Variants in C10orf90 observed in about 807,000 individuals in gnomAD.
C10orf90 encodes the protein chromosome 10 open reading frame 90.
Under a neutral mutation model 62.5 loss-of-function variants are expected in C10orf90, and 56 were observed. The observed-to-expected ratio is 0.90, with a 90% CI of 0.72 to 1.12. The LOEUF (loss-of-function observed/expected upper bound fraction) is 1.12, where lower values mean the gene tolerates loss of function less well. Among genes scored for constraint, C10orf90 ranks in the 50% most tolerant of loss-of-function variants. C10orf90 has a pLI of 0.00. For synonymous variants in C10orf90, 386 were observed against 340.4 expected (o/e 1.13, Z -1.47); for missense variants, 970 against 880.4 (o/e 1.10, Z -1.29).
intron 2 of C10orf90, among the ~76,000 whole-genome samples, chr10:126,583,070 C>T (rs1844786482): frequency 6.6e-6 from 1 of 152,160 alleles, no homozygotes; most frequent in African/African-American, 2.4e-5. Flanking sequence ...ACTCGCGGGA[C>T]ACCAGTAAAC....
Position 126,504,303 on chromosome 10 carries a change from G to A in C10orf90, c.1188C>T (p.His396=), listed in dbSNP as rs373996401. 1 of 1,614,202 alleles carries A rather than the reference G, an allele frequency of 6.2e-7. No homozygotes were observed. Among genetic ancestry groups the A allele is most frequent in the South Asian group, 1.1e-5 (1 of 91,078 alleles). The part of the protein sequence containing the change: ...VLSLNLNCSS[H]RLTADGVDGL... ...CATCTACTCCATCTGCTGTTAATCT[G>A]TGGGAACTACAATTGAGGTTGAGCG... Residue 396 remains histidine (H), a synonymous_variant, in exon 4 of 10, where the codon CAC becomes CAT. Coordinates refer to ENST00000488181, the MANE Select transcript of C10orf90 (RefSeq NM_001350921.2). This position sits in a 1 kb window ranked among gnomAD's most constrained non-coding sequence, Gnocchi z 4.1.
At chr10:126,537,069 C>G (rs1253856119) in intron 2 of C10orf90, among the ~76,000 whole-genome samples, 1 of 152,168 alleles carries the variant, frequency 6.6e-6, no homozygotes, top group East Asian at 1.9e-4. Context: ...AGGAGCCAGG[C>G]TTGATATCAC....
intron 2 of C10orf90, among the ~76,000 whole-genome samples, chr10:126,557,411 C>T (rs1864801631): frequency 6.7e-6 from 1 of 148,540 alleles, no homozygotes; most frequent in African/African-American, 2.5e-5. Flanking sequence ...ACGTGGGAGG[C>T]AGAGCTTGCA....
intron 2 of C10orf90, among the ~76,000 whole-genome samples, chr10:126,526,148 A>G (rs1321102875): frequency 6.6e-6 from 1 of 151,940 alleles, no homozygotes; most frequent in Admixed American, 6.6e-5. Context: ...AGTCAAGTCT[A>G]AGAGAGGTCC....
rs141441794 is a variant in C10orf90 at position 126,456,005 on chromosome 10, C to T, written c.2188+3035G>A. 8.7e-3 allele frequency among the ~76,000 whole-genome samples: 1,318 copies of T among 152,336 alleles called. 13 individuals are homozygous for T. The highest frequency in any genetic ancestry group is 0.012 in the Non-Finnish European group (819 of 68,028). On this transcript the variant is annotated intron_variant, in intron 7 of 9. Coordinates refer to ENST00000488181, the MANE Select transcript of C10orf90 (RefSeq NM_001350921.2). This position sits in a 1 kb window ranked among gnomAD's most constrained non-coding sequence, Gnocchi z 4.9. ...TGAGCCAAGATTGCTTGACAAGCCC[C>T]GATCAGAGGCAGCTACCCCAGCACC... is the stretch of plus-strand genomic sequence containing the variant.
At chr10:126,536,879 G>A (rs895449313) in intron 2 of C10orf90, among the ~76,000 whole-genome samples, 4 of 152,166 alleles carry the variant, frequency 2.6e-5, no homozygotes, top group Non-Finnish European at 5.9e-5. Context: ...GCTGGATTGG[G>A]TAAGTCAACC....
In C10orf90 at chr10:126,464,839, T is replaced by G. The variant is rs1202429446; in HGVS notation, c.1682A>C (p.Asp561Ala). ...SSPSDDCLSR[D>A]LSEPTERRHQ... ...TCGTCTCTCTGTGGGCTCAGAAAGGTCTCTAGACAGACAGTCATCGCTTGG... is the reference window on the plus strand; with the variant it reads ...TCGTCTCTCTGTGGGCTCAGAAAGGGCTCTAGACAGACAGTCATCGCTTGG... Residue 561 changes from aspartate (D) to alanine (A), a missense_variant, in exon 5 of 10, where the codon GAC (aspartate) becomes GCC (alanine). Coordinates refer to ENST00000488181, the MANE Select transcript of C10orf90 (RefSeq NM_001350921.2). 6.2e-7 allele frequency: 1 copy of G among 1,614,028 alleles called. No individual in the cohort carries two copies. Among genetic ancestry groups the G allele is most frequent in the Non-Finnish European group, 8.5e-7 (1 of 1,180,000 alleles).
intron 2 of C10orf90, among the ~76,000 whole-genome samples, chr10:126,518,704 C>T (rs548468891): frequency 2.0e-5 from 3 of 152,282 alleles, no homozygotes; most frequent in South Asian, 4.1e-4. Flanking sequence ...AGTGTGTGTG[C>T]TCACTAGTAG....
At chr10:126,475,507 C>G (rs1038379290) in intron 4 of C10orf90, among the ~76,000 whole-genome samples, 1 of 152,238 alleles carries the variant, frequency 6.6e-6, no homozygotes, top group East Asian at 1.9e-4. Flanking sequence ...CCGCCTTCAT[C>G]ATTAGCATGG....
chr10:126,437,813 G>GTT (rs1431251240), intron 7 of C10orf90, among the ~76,000 whole-genome samples: 103 of 152,312 alleles, frequency 6.8e-4, no homozygotes, highest in Middle Eastern at 3.4e-3. Flanking sequence ...CAGGCCCCCA[G>GTT]CTGCAGGGTC....
intron 2 of C10orf90, among the ~76,000 whole-genome samples, chr10:126,550,410 G>A (rs937005867): frequency 2.0e-5 from 3 of 152,186 alleles, no homozygotes; most frequent in Non-Finnish European, 2.9e-5. Context: ...GCTCTGTCTT[G>A]AGTATACCAA....
intron 2 of C10orf90, among the ~76,000 whole-genome samples, chr10:126,557,316 C>A (rs1591095557): frequency 6.6e-6 from 1 of 151,966 alleles, no homozygotes; most frequent in African/African-American, 2.4e-5. Context: ...CCCGTCTCTA[C>A]TAAAAATACA....
At chr10:126,565,839 T>C (rs937686938) in intron 2 of C10orf90, among the ~76,000 whole-genome samples, 6 of 152,114 alleles carry the variant, frequency 3.9e-5, no homozygotes, top group Admixed American at 1.3e-4. Context: ...TGAGACTGAG[T>C]GAACCACCTC....
At chr10:126,612,224 G>A (rs949003453) in intron 2 of C10orf90, among the ~76,000 whole-genome samples, 5 of 152,152 alleles carry the variant, frequency 3.3e-5, no homozygotes, top group African/African-American at 9.7e-5. Context: ...GGGTGGCTGA[G>A]GCAGGAGAAT....
chr10:126,611,431 G>T (rs1002195012), intron 2 of C10orf90, among the ~76,000 whole-genome samples: 2 of 148,470 alleles, frequency 1.3e-5, no homozygotes, highest in Non-Finnish European at 3.0e-5. Context: ...CCCATTTTTT[G>T]GCTATTAGGA....
intron 1 of C10orf90, among the ~76,000 whole-genome samples, chr10:126,651,375 T>C (rs888925877): frequency 6.6e-6 from 1 of 152,152 alleles, no homozygotes; most frequent in Non-Finnish European, 1.5e-5. Flanking sequence ...ATTTATTCCA[T>C]TGAGTGTAAA....
chr10:126,452,331 G>A (rs1484102328), intron 7 of C10orf90, among the ~76,000 whole-genome samples: 2 of 152,106 alleles, frequency 1.3e-5, no homozygotes, highest in African/African-American at 2.4e-5. Flanking sequence ...GCTACATCCA[G>A]TACAAGTCTG....
intron 8 of C10orf90, among the ~76,000 whole-genome samples, chr10:126,427,678 C>G (rs1443842855): frequency 6.6e-6 from 1 of 152,202 alleles, no homozygotes; most frequent in Non-Finnish European, 1.5e-5. Context: ...ACATCAGACT[C>G]CAGATTCTTC....
At chr10:126,483,609 G>T (rs1404190259) in intron 4 of C10orf90, among the ~76,000 whole-genome samples, 1 of 152,204 alleles carries the variant, frequency 6.6e-6, no homozygotes, top group Non-Finnish European at 1.5e-5. Context: ...GAGATCATAA[G>T]ATGTATTCTT....
Sources: gnomAD v4.1 joint callset for allele counts (sites outside exome capture counted in the v4.1 genomes callset) on GRCh38, gnomAD v4.1.1 for gene constraint, Gnocchi (gnomAD v3.1) non-coding constraint, MANE v1.5 for transcripts, NCBI Gene and HGNC (gene_info 2026-07-23, HGNC 2026-07-21) for gene names.